TMEM108: variants seen among roughly 807,000 people sequenced by gnomAD.
TMEM108 encodes transmembrane protein 108, also known as cancer/testis antigen 124.
Under a neutral mutation model 35.1 loss-of-function variants are expected in TMEM108, and 12 were observed. The observed-to-expected ratio is 0.34, with a 90% CI of 0.22 to 0.55. The LOEUF (loss-of-function observed/expected upper bound fraction) is 0.55. TMEM108 is among the 20% of genes least tolerant of loss of function. The pLI, the probability that TMEM108 is intolerant of heterozygous loss-of-function variation, is 0.89. For missense variants in TMEM108, 680 were observed against 753.3 expected (o/e 0.90, Z 1.14); for synonymous variants, 287 against 308.6 (o/e 0.93, Z 0.73).
Position 133,044,742 on chromosome 3 carries a change from C to T in TMEM108, c.-165-1160C>T, listed in dbSNP as rs924199169. On this transcript the variant is annotated intron_variant, in intron 1 of 5. Transcript: ENST00000321871. ...GCTGAGGCAGGAGAATTGCTTGAGG[C>T]CAGGAGTCTGAGACCACCCTGGATA... 5.3e-5 allele frequency among the ~76,000 whole-genome samples: 8 copies of T among 152,142 alleles called. No individual in the cohort carries two copies. In the South Asian group the frequency reaches 1.7e-3, roughly 32 times the overall value.
rs192996889 is a variant in TMEM108, at chr3:133,058,262, A to T, written c.-47+12242A>T. 2.3e-3 allele frequency among the ~76,000 whole-genome samples: 350 copies of T among 152,292 alleles called. 6 individuals carry two copies. The highest frequency in any genetic ancestry group is 1.0e-3 in the South Asian group (5 of 4,810). ...CTCTCTGTTTCTTGCCCTTTCAGCT[A>T]ATCAGAACTTTTCTCCTGCTCTCCC... On this transcript the variant is annotated intron_variant, in intron 2 of 5. Coordinates refer to ENST00000321871, the MANE Select transcript of TMEM108 (RefSeq NM_023943.4).
At chr3:133,323,026 A>G (rs2071285940) in intron 3 of TMEM108, among the ~76,000 whole-genome samples, 1 of 152,210 alleles carries the variant, frequency 6.6e-6, no homozygotes, top group African/African-American at 2.4e-5. Context: ...AATAAAAGCC[A>G]TCTATGACAA....
Position 133,380,941 on chromosome 3 carries a change from G to T in TMEM108, c.1230G>T (p.Met410Ile). Residue 410 changes from methionine (M) to isoleucine (I), a missense_variant, in exon 4 of 6, where the codon ATG becomes ATT. Coordinates refer to ENST00000321871, the MANE Select transcript of TMEM108 (RefSeq NM_023943.4). The surrounding 1 kb of genome is among the most constrained non-coding windows in gnomAD (Gnocchi z 5.3). ...AGGAGACTGTGGCCACCCTCACCAT[G>T]ACCGACCGGGTGCCCAGTCCTCTCT... ...AKEETVATLT[M>I]TDRVPSPLST... 6.2e-7 allele frequency: 1 copy of T among 1,614,136 alleles called. No individual in the cohort carries two copies. The highest frequency in any genetic ancestry group is 1.1e-5 in the South Asian group (1 of 91,068).
chr3:133,305,091 G>T (rs1444718136), intron 3 of TMEM108, among the ~76,000 whole-genome samples: 4 of 151,876 alleles, frequency 2.6e-5, no homozygotes. Flanking sequence ...TTCAAAGAAA[G>T]AAAAGAGGAA....
At chr3:133,379,469 C>T (rs542753927) in intron 3 of TMEM108, among the ~76,000 whole-genome samples, 18 of 152,286 alleles carry the variant, frequency 1.2e-4, no homozygotes, top group Non-Finnish European at 2.5e-4. Flanking sequence ...GGGCTGATGG[C>T]GTTTCTGAGG....
chr3:133,290,064 C>T (rs1204495586), intron 3 of TMEM108, among the ~76,000 whole-genome samples: 1 of 152,172 alleles, frequency 6.6e-6, no homozygotes, highest in Non-Finnish European at 1.5e-5. Context: ...GGAGGAAAGA[C>T]AGACAATAAA....
At chr3:133,303,444 A>T (rs946915914) in intron 3 of TMEM108, 2 of 152,158 alleles carry the variant, frequency 1.3e-5, no homozygotes, top group Non-Finnish European at 2.9e-5. Context: ...CTTTTCTGGT[A>T]CCTTCCTAAG....
intron 3 of TMEM108, among the ~76,000 whole-genome samples, chr3:133,347,005 T>A (rs1465929939): frequency 6.6e-6 from 1 of 152,156 alleles, no homozygotes; most frequent in Non-Finnish European, 1.5e-5. Context: ...AGTTTCTCTG[T>A]TCTTTCATCA....
intron 2 of TMEM108, among the ~76,000 whole-genome samples, chr3:133,165,454 A>G (rs572216916): frequency 4.5e-4 from 68 of 152,316 alleles, no homozygotes; most frequent in African/African-American, 1.6e-3. Context: ...TAAAAAGACA[A>G]TGTCCCATTA....
At chr3:133,355,586 C>A (rs1254124286) in intron 3 of TMEM108, among the ~76,000 whole-genome samples, 2 of 152,208 alleles carry the variant, frequency 1.3e-5, no homozygotes, top group African/African-American at 4.8e-5. Context: ...ATTTGATATT[C>A]ATGGAACAAA....
intron 2 of TMEM108, among the ~76,000 whole-genome samples, chr3:133,103,595 A>G (rs1181046627): frequency 6.6e-6 from 1 of 152,206 alleles, no homozygotes; most frequent in African/African-American, 2.4e-5. Flanking sequence ...AGTTAAAAAA[A>G]AATGTTAGAT....
chr3:133,049,961 CA>C (rs1220968858), intron 2 of TMEM108, among the ~76,000 whole-genome samples: 1 of 152,154 alleles, frequency 6.6e-6, no homozygotes, highest in South Asian at 2.1e-4. Flanking sequence ...TTCCAACAGA[CA>C]TATTACAGCA....
intron 2 of TMEM108, among the ~76,000 whole-genome samples, chr3:133,150,788 C>T (rs1944788628): frequency 2.0e-5 from 3 of 152,206 alleles, no homozygotes; most frequent in East Asian, 1.9e-4. Flanking sequence ...CAGTGAACAT[C>T]GATCCAATAA....
At chr3:133,168,065 T>G (rs551781802) in intron 2 of TMEM108, among the ~76,000 whole-genome samples, 1 of 152,290 alleles carries the variant, frequency 6.6e-6, no homozygotes, top group East Asian at 1.9e-4. Context: ...TGATCTCTGT[T>G]TTGACATTAA....
intron 2 of TMEM108, among the ~76,000 whole-genome samples, chr3:133,109,560 C>T (rs1364409436): frequency 7.2e-5 from 11 of 152,198 alleles, no homozygotes; most frequent in Non-Finnish European, 1.5e-4. Context: ...GCAAACGTTA[C>T]AACCAGAGAT....
chr3:133,065,404 C>G (rs933717707), intron 2 of TMEM108, among the ~76,000 whole-genome samples: 3 of 152,110 alleles, frequency 2.0e-5, no homozygotes, highest in Non-Finnish European at 4.4e-5. Flanking sequence ...CCTTTCCCAG[C>G]TATGGTAAAT....
intron 2 of TMEM108, among the ~76,000 whole-genome samples, chr3:133,097,096 G>T (rs1944024944): frequency 6.6e-6 from 1 of 152,194 alleles, no homozygotes; most frequent in Non-Finnish European, 1.5e-5. Flanking sequence ...CCATGACCTG[G>T]GTCATTGTAG....
intron 2 of TMEM108, among the ~76,000 whole-genome samples, chr3:133,203,006 A>G (rs1945694371): frequency 6.6e-6 from 1 of 152,172 alleles, no homozygotes; most frequent in Non-Finnish European, 1.5e-5. Flanking sequence ...GAGGTCCTTC[A>G]CATCCCTTGT....
intron 2 of TMEM108, among the ~76,000 whole-genome samples, chr3:133,092,356 TC>T: frequency 6.6e-6 from 1 of 152,234 alleles, no homozygotes; most frequent in Non-Finnish European, 1.5e-5. Flanking sequence ...TCTAATATTT[TC>T]TCCTAACCTC....
Sources: gnomAD v4.1 joint callset for allele counts (sites outside exome capture counted in the v4.1 genomes callset) on GRCh38, gnomAD v4.1.1 for gene constraint, Gnocchi (gnomAD v3.1) non-coding constraint, MANE v1.5 for transcripts, NCBI Gene and HGNC (gene_info 2026-07-23, HGNC 2026-07-21) for gene names.